Variants in OSBPL5 observed in about 807,000 individuals in gnomAD.
The protein encoded by OSBPL5 is oxysterol-binding protein-related protein 5.
A neutral mutation model predicts 111.2 loss-of-function variants in OSBPL5; 71 were observed. The observed-to-expected ratio is 0.64, with a 90% confidence interval of 0.53 to 0.78. The LOEUF (loss-of-function observed/expected upper bound fraction) is 0.78. Ranked by LOEUF, OSBPL5 falls within the 30% of genes least tolerant of loss-of-function variation. OSBPL5 has a pLI of 0.00. For synonymous variants in OSBPL5, 549 were observed against 513.9 expected (o/e 1.07, Z -0.93); for missense variants, 1,210 against 1,189.3 (o/e 1.02, Z -0.26).
Position 3,092,854 on chromosome 11 carries a change from T to G in OSBPL5, c.2132+13A>C. ...CCCCACCCTGTGGCCCCCAGGGCTT[T>G]GTCGGCACTCACTCCTCGTATCGGT... On this transcript the variant is annotated intron_variant, in intron 18 of 21. Coordinates refer to ENST00000263650, the MANE Select transcript of OSBPL5 (RefSeq NM_020896.4). The surrounding 1 kb of genome is among the most constrained non-coding windows in gnomAD (Gnocchi z 5.4). 11 of 1,518,330 alleles carry G rather than the reference T, an allele frequency of 7.2e-6. No individual in the cohort carries two copies. The highest frequency in any genetic ancestry group is 9.8e-6 in the Non-Finnish European group (11 of 1,124,976). 94.1% of individuals were successfully genotyped at this position (1,518,330 alleles called of 1,614,324 possible).
chr11:3,095,173 C>T (rs191237351), intron 14 of OSBPL5, among the ~76,000 whole-genome samples: 12 of 152,020 alleles, frequency 7.9e-5, no homozygotes, highest in Non-Finnish European at 1.2e-4. Context: ...AAAGACAAAG[C>T]GGCATCTCTG....
chr11:3,097,376 T>A (rs1857311141), intron 14 of OSBPL5, among the ~76,000 whole-genome samples: 2 of 152,096 alleles, frequency 1.3e-5, no homozygotes, highest in African/African-American at 4.8e-5. Context: ...AACATTTGTA[T>A]TGGGCCTGCG....
At chr11:3,097,108 A>AGAAGGAGAGGAAAGAGGGGGAAGACG (rs1857296384) in intron 14 of OSBPL5, among the ~76,000 whole-genome samples, 1 of 16,570 alleles carries the variant, frequency 6.0e-5, no homozygotes, top group African/African-American at 1.5e-4. Context: ...GGAAGATGGG[A>AGAAGGAGAGGAAAGAGGGGGAAGACG]GGAGGAGGAG....
rs746868098 is a variant in OSBPL5 at position 3,088,305 on chromosome 11, G to A, written c.2540C>T (p.Ala847Val). The change falls in exon 22 of 22, where the codon GCA becomes GTA. Residue 847 changes from alanine (A) to valine (V), a missense_variant. Coordinates refer to ENST00000263650, the MANE Select transcript of OSBPL5 (RefSeq NM_020896.4). ...CAGGAGGCCTGGGGTCGGTGCCTGT[G>A]CTGCCCGTGCCGTGGAGCTCAGCAT... Reference protein sequence around the residue: ...SAMLSSTARAAQAPTPGLLQS... With the variant: ...SAMLSSTARAVQAPTPGLLQS... The A allele has an allele frequency of 4.4e-6, 7 of 1,602,950 alleles. No homozygotes were observed. The highest frequency in any genetic ancestry group is 6.0e-6 in the Non-Finnish European group (7 of 1,175,766).
At chr11:3,099,793 GC>G (rs1312674635) in intron 14 of OSBPL5, among the ~76,000 whole-genome samples, 1 of 152,096 alleles carries the variant, frequency 6.6e-6, no homozygotes, top group African/African-American at 2.4e-5. Flanking sequence ...GCGAGGCTGG[GC>G]GCGGTGGCTC....
intron 7 of OSBPL5, among the ~76,000 whole-genome samples, chr11:3,117,900 G>A (rs1858265860): frequency 6.6e-6 from 1 of 152,234 alleles, no homozygotes; most frequent in Non-Finnish European, 1.5e-5. Context: ...GCCTACTGAT[G>A]TATGGACTTC....
intron 7 of OSBPL5, among the ~76,000 whole-genome samples, chr11:3,114,375 A>T (rs1858125492): frequency 6.6e-6 from 1 of 152,154 alleles, no homozygotes; most frequent in Non-Finnish European, 1.5e-5. Flanking sequence ...GAGTAAAATG[A>T]CTGGTTGTTT....
In OSBPL5 at chr11:3,165,016, C is replaced by T. The variant is rs1422046851; in HGVS notation, c.-22+200G>A. On this transcript the variant is annotated intron_variant, in intron 1 of 21. Transcript: ENST00000263650. The surrounding 1 kb of genome is among the most constrained non-coding windows in gnomAD (Gnocchi z 7.4). ...TCCCGCGCTCCCCAGCTCCCCAGCG[C>T]GCGACCGGCCCCGCGGCGTGGTTCC... is the stretch of plus-strand genomic sequence containing the variant. Among the ~76,000 whole-genome samples, 3 of 151,002 alleles carry T rather than the reference C, an allele frequency of 2.0e-5. No homozygotes were observed. The highest frequency in any genetic ancestry group is 4.4e-5 in the Non-Finnish European group (3 of 67,618).
chr11:3,097,063 GGGGGA>G (rs1857292239), intron 14 of OSBPL5, among the ~76,000 whole-genome samples: 1 of 41,822 alleles, frequency 2.4e-5, no homozygotes. Context: ...GGAGAGGAAA[GGGGGA>G]AGATGGAAGG....
chr11:3,112,031 G>A (rs12805472), intron 7 of OSBPL5, among the ~76,000 whole-genome samples: 35 of 124,214 alleles, frequency 2.8e-4, no homozygotes, highest in African/African-American at 1.1e-3. Flanking sequence ...GTGCATGTGT[G>A]TGTATGTGTG....
chr11:3,088,780 T>C (rs937518804), intron 21 of OSBPL5, among the ~76,000 whole-genome samples: 7 of 152,052 alleles, frequency 4.6e-5, no homozygotes, highest in Non-Finnish European at 8.8e-5. Context: ...GGGACTGGTG[T>C]CCTTATATGA....
rs192637613 is a variant in OSBPL5 at position 3,137,466 on chromosome 11, G to A, written c.-21-8297C>T. Among the ~76,000 whole-genome samples, 10 of 152,318 alleles carry A rather than the reference G, an allele frequency of 6.6e-5. No individual in the cohort carries two copies. In the East Asian group the frequency reaches 1.5e-3, roughly 24 times the overall value. ...ATCTGATATGATTCTCGGAATGCTC[G>A]CAAGGTGCGGGGAGCAGGGGAGCAG... On this transcript the variant is annotated intron_variant, in intron 1 of 21. Transcript: ENST00000263650.
chr11:3,161,638 A>T lies in OSBPL5; in HGVS notation c.-22+3578T>A. On this transcript the variant is annotated intron_variant, in intron 1 of 21. Transcript: ENST00000263650. This position sits in a 1 kb window ranked among gnomAD's most constrained non-coding sequence, Gnocchi z 8.0. Reference sequence around the variant, plus strand: ...CAGACACCGCGCACCAGCGGCACCCACCAGGGACAGATGCCACGCACCAGC... The same window carrying T: ...CAGACACCGCGCACCAGCGGCACCCTCCAGGGACAGATGCCACGCACCAGC... Among the ~76,000 whole-genome samples, 1 of 152,112 alleles carries T rather than the reference A, an allele frequency of 6.6e-6. No homozygotes were observed. The highest frequency in any genetic ancestry group is 1.5e-5 in the Non-Finnish European group (1 of 68,014).
intron 1 of OSBPL5, among the ~76,000 whole-genome samples, chr11:3,144,940 G>A (rs1564859098): frequency 6.6e-6 from 1 of 152,244 alleles, no homozygotes; most frequent in East Asian, 1.9e-4. Flanking sequence ...ACATCCACAA[G>A]TACCTGGGGT....
chr11:3,155,535 C>T (rs1846731539), intron 1 of OSBPL5, among the ~76,000 whole-genome samples: 1 of 89,314 alleles, frequency 1.1e-5, no homozygotes, highest in Admixed American at 1.1e-4. Context: ...ACTCACTCAC[C>T]CCAGCTCTGC....
Position 3,139,382 on chromosome 11 carries a change from G to A in OSBPL5, c.-21-10213C>T, listed in dbSNP as rs141909151. ...CTGGCTGTGCTGTTGCCAGTGCTCT[G>A]TGGGGCCACGAGCAACCTGCCAGGA... On this transcript the variant is annotated intron_variant, in intron 1 of 21. Coordinates refer to ENST00000263650, the MANE Select transcript of OSBPL5 (RefSeq NM_020896.4). Among the ~76,000 whole-genome samples, 48 of 152,346 alleles carry A rather than the reference G, an allele frequency of 3.2e-4. No homozygotes were observed. In the East Asian group the frequency reaches 4.6e-3, roughly 15 times the overall value.
chr11:3,090,767 G>A, intron 19 of OSBPL5, 71 bp from the exon 20 acceptor site: 1 of 1,512,892 alleles, frequency 6.6e-7, no homozygotes, highest in Non-Finnish European at 8.9e-7. Flanking sequence ...GGACATGGTG[G>A]CATGCTTATG....
intron 1 of OSBPL5, among the ~76,000 whole-genome samples, chr11:3,147,713 AGT>A (rs1355904488): frequency 2.0e-5 from 3 of 152,120 alleles, no homozygotes; most frequent in African/African-American, 7.2e-5. Flanking sequence ...CATTTATGGG[AGT>A]GAGCGTGTCC....
intron 7 of OSBPL5, among the ~76,000 whole-genome samples, chr11:3,119,043 C>T (rs1234906196): frequency 6.9e-6 from 1 of 144,398 alleles, no homozygotes. Flanking sequence ...GACTTTTGCT[C>T]TTGTCACCCA....
Sources: gnomAD v4.1 joint callset for allele counts (sites outside exome capture counted in the v4.1 genomes callset) on GRCh38, gnomAD v4.1.1 for gene constraint, Gnocchi (gnomAD v3.1) non-coding constraint, MANE v1.5 for transcripts, NCBI Gene and HGNC (gene_info 2026-07-23, HGNC 2026-07-21) for gene names.